The following SOX6 variants were observed in gnomAD, a reference collection of about 807,000 sequenced individuals.
SOX6 encodes transcription factor SOX-6.
SOX6 carries 11 observed loss-of-function variants against 97.8 expected under a neutral mutation model. That is an observed-to-expected ratio of 0.11 (90% CI 0.07 to 0.19). The LOEUF is 0.19. Ranked by LOEUF, SOX6 falls within the 10% of genes least tolerant of loss-of-function variation. The pLI, the probability that SOX6 is intolerant of heterozygous loss-of-function variation, is 1.00. For synonymous variants in SOX6, 360 were observed against 371.4 expected (o/e 0.97, Z 0.35); for missense variants, 810 against 1,039.5 (o/e 0.78, Z 3.04).
intron 6 of SOX6, among the ~76,000 whole-genome samples, chr11:16,141,726 G>C (rs1850148192): frequency 6.6e-6 from 1 of 152,104 alleles, no homozygotes; most frequent in Non-Finnish European, 1.5e-5. Context: ...TGGCTCAGAG[G>C]GTCCCACACC....
rs574793751 is a variant in SOX6 at position 16,266,237 on chromosome 11, T to C, written c.446-31566A>G. 2.3e-3 allele frequency among the ~76,000 whole-genome samples: 345 copies of C among 151,808 alleles called. 2 individuals are homozygous for C. Among genetic ancestry groups the C allele is most frequent in the African/African-American group, 8.0e-3 (334 of 41,504 alleles). Reference sequence around the variant, plus strand: ...AAATCATGTGACAGCTGATTCCTCATTGAAAACAACTCAGGCCAGAAGACA... The same window carrying C: ...AAATCATGTGACAGCTGATTCCTCACTGAAAACAACTCAGGCCAGAAGACA... On this transcript the variant is annotated intron_variant, in intron 3 of 15. Coordinates refer to ENST00000683767, the MANE Select transcript of SOX6 (RefSeq NM_001367873.1).
chr11:16,115,460 G>C (rs1413334618), intron 6 of SOX6, among the ~76,000 whole-genome samples: 1 of 152,086 alleles, frequency 6.6e-6, no homozygotes, highest in East Asian at 1.9e-4. Context: ...CTCTCCCCCT[G>C]CTCCCCGTCA....
At chr11:16,103,005 C>CA (rs1848987292) in intron 7 of SOX6, among the ~76,000 whole-genome samples, 1 of 151,848 alleles carries the variant, frequency 6.6e-6, no homozygotes, top group Admixed American at 6.6e-5. Context: ...GCAAATGCAA[C>CA]AAAAGCAAAG....
intron 1 of SOX6, among the ~76,000 whole-genome samples, chr11:16,388,926 G>T (rs897715468): frequency 1.6e-4 from 24 of 152,074 alleles, no homozygotes; most frequent in African/African-American, 2.9e-4. Context: ...TTGGGAAATT[G>T]ATGGCATTAT....
intron 6 of SOX6, among the ~76,000 whole-genome samples, chr11:16,148,127 A>G (rs747257504): frequency 2.6e-5 from 4 of 152,240 alleles, no homozygotes; most frequent in Non-Finnish European, 5.9e-5. Flanking sequence ...TAACAAATAC[A>G]GTGAATTTAA....
intron 3 of SOX6, among the ~76,000 whole-genome samples, chr11:16,629,733 GT>G (rs1848678273): frequency 1.3e-5 from 2 of 151,908 alleles, no homozygotes; most frequent in African/African-American, 4.8e-5. Flanking sequence ...GAGGCTTTTT[GT>G]TTTTGGTTGG....
chr11:16,444,415 T>C (rs921650785), intron 1 of SOX6, among the ~76,000 whole-genome samples: 3 of 152,170 alleles, frequency 2.0e-5, no homozygotes, highest in Non-Finnish European at 2.9e-5. Flanking sequence ...TAATGGCTCA[T>C]GTCTTATCTT....
chr11:16,334,185 A>C (rs1402664764), intron 2 of SOX6, among the ~76,000 whole-genome samples: 1 of 152,098 alleles, frequency 6.6e-6, no homozygotes, highest in African/African-American at 2.4e-5. Flanking sequence ...CTGAATACAC[A>C]ACTTCACTGA....
intron 4 of SOX6, among the ~76,000 whole-genome samples, chr11:16,557,687 T>TA (rs1239070158): frequency 6.6e-6 from 1 of 151,918 alleles, no homozygotes; most frequent in Non-Finnish European, 1.5e-5. Context: ...TTATAAATTA[T>TA]AATATTAGCA....
intron 6 of SOX6, among the ~76,000 whole-genome samples, chr11:16,137,248 C>A (rs1233151329): frequency 6.6e-6 from 1 of 151,920 alleles, no homozygotes; most frequent in Non-Finnish European, 1.5e-5. Flanking sequence ...TCACCCTGGG[C>A]AACATGGTCT....
At chr11:16,341,995 T>C (rs1202376189) in intron 1 of SOX6, among the ~76,000 whole-genome samples, 1 of 152,050 alleles carries the variant, frequency 6.6e-6, no homozygotes, top group Non-Finnish European at 1.5e-5. Context: ...TATACCTCTA[T>C]TTTATATTAG....
chr11:16,344,655 C>T (rs1341293630), intron 1 of SOX6, among the ~76,000 whole-genome samples: 2 of 151,832 alleles, frequency 1.3e-5, no homozygotes, highest in East Asian at 3.9e-4. Context: ...ATTTTCATCC[C>T]CAACATATTA....
intron 1 of SOX6, among the ~76,000 whole-genome samples, chr11:16,345,508 C>T (rs967540825): frequency 5.9e-5 from 9 of 151,952 alleles, no homozygotes; most frequent in Admixed American, 2.0e-4. Flanking sequence ...GAAGTCAGTA[C>T]GAACACCTCT....
intron 4 of SOX6, among the ~76,000 whole-genome samples, chr11:16,215,218 A>G (rs1465043263): frequency 4.6e-5 from 7 of 152,244 alleles, no homozygotes; most frequent in African/African-American, 1.7e-4. Context: ...AAATATCTTC[A>G]GGAATACCGG....
At chr11:16,041,955 A>T (rs1019366154) in intron 12 of SOX6, among the ~76,000 whole-genome samples, 1 of 152,176 alleles carries the variant, frequency 6.6e-6, no homozygotes, top group African/African-American at 2.4e-5. Context: ...AGAAAAATTT[A>T]AAAACTAAAC....
At chr11:16,623,298 G>A (rs1024981405) in intron 3 of SOX6, among the ~76,000 whole-genome samples, 2 of 152,202 alleles carry the variant, frequency 1.3e-5, no homozygotes, top group African/African-American at 4.8e-5. Context: ...TAGGATTACA[G>A]GCGTGAGCCA....
At chr11:16,370,914 G>A (rs556417497) in intron 1 of SOX6, among the ~76,000 whole-genome samples, 36 of 151,706 alleles carry the variant, frequency 2.4e-4, no homozygotes, top group East Asian at 1.9e-4. Flanking sequence ...TGTAATAGCC[G>A]CTTAAGTGGT....
intron 1 of SOX6, among the ~76,000 whole-genome samples, chr11:16,411,776 A>T (rs1240524611): frequency 1.3e-5 from 2 of 152,196 alleles, no homozygotes. Context: ...ATTTTCTTTC[A>T]AATCCAGATT....
chr11:16,593,494 C>T (rs1589998780), intron 4 of SOX6, among the ~76,000 whole-genome samples: 1 of 146,052 alleles, frequency 6.8e-6, no homozygotes, highest in African/African-American at 2.5e-5. Flanking sequence ...ATGGGAAGAA[C>T]GTTGAACAAA....
Sources: allele counts gnomAD v4.1 joint callset (sites outside exome capture counted in the v4.1 genomes callset), GRCh38; gene constraint gnomAD v4.1.1; transcripts MANE v1.5; gene names NCBI Gene and HGNC (gene_info 2026-07-23, HGNC 2026-07-21).